IQCM: variants seen among roughly 807,000 people sequenced by gnomAD.
IQCM encodes the protein IQ motif containing M.
IQCM carries 45 observed loss-of-function variants against 57.6 expected under a neutral mutation model. The ratio of observed to expected loss-of-function variants is 0.78; its 90% CI spans 0.62 to 1.00. The LOEUF (loss-of-function observed/expected upper bound fraction) is 1.00, where lower values mean the gene tolerates loss of function less well. Among genes scored for constraint, IQCM ranks in the 50% least tolerant of loss-of-function variants. IQCM has a pLI of 0.00. For missense variants in IQCM, 468 were observed against 511.6 expected (o/e 0.91, Z 0.82); for synonymous variants, 148 against 158.9 (o/e 0.93, Z 0.51).
intron 7 of IQCM, among the ~76,000 whole-genome samples, chr4:149,681,274 C>T (rs1459932151): frequency 2.0e-5 from 3 of 151,072 alleles, no homozygotes; most frequent in Non-Finnish European, 3.0e-5. Flanking sequence ...ATTGTATTGC[C>T]CTGGGACCTC....
chr4:149,532,944 G>A (rs748740647), intron 12 of IQCM, among the ~76,000 whole-genome samples: 5 of 152,152 alleles, frequency 3.3e-5, no homozygotes, highest in Non-Finnish European at 7.4e-5. Context: ...GAGGGCAGAG[G>A]TCAGTGGGAA....
At chr4:149,577,922 T>C (rs1390583988) in intron 9 of IQCM, among the ~76,000 whole-genome samples, 3 of 151,856 alleles carry the variant, frequency 2.0e-5, no homozygotes, top group Admixed American at 2.0e-4. Context: ...GTAATTCTCA[T>C]TGTAGAGATC....
At chr4:149,392,902 C>A (rs7673725) in intron 13 of IQCM, among the ~76,000 whole-genome samples, 1 of 151,848 alleles carries the variant, frequency 6.6e-6, no homozygotes, top group Middle Eastern at 3.4e-3. Flanking sequence ...TGGGAGTTGT[C>A]GCTCACACCT....
intron 12 of IQCM, among the ~76,000 whole-genome samples, chr4:149,482,524 C>T (rs117512220): frequency 6.6e-6 from 1 of 151,804 alleles, no homozygotes; most frequent in Non-Finnish European, 1.5e-5. Context: ...TTTTTAGAAT[C>T]AATTGAAATG....
intron 12 of IQCM, among the ~76,000 whole-genome samples, chr4:149,481,696 G>GTTTTTTTTTTTTT (rs1197852884): frequency 0.011 from 380 of 33,574 alleles, 13 homozygotes; most frequent in Middle Eastern, 0.056. Flanking sequence ...GATTCTTCCA[G>GTTTTTTTTTTTTT]TTTTGTTTTT....
intron 12 of IQCM, among the ~76,000 whole-genome samples, chr4:149,459,620 C>G (rs1001293112): frequency 1.3e-5 from 2 of 152,134 alleles, no homozygotes; most frequent in Non-Finnish European, 2.9e-5. Context: ...CTCTCCTCCC[C>G]CAGCCCCTGG....
At chr4:149,718,017 C>G (rs1048264608) in intron 5 of IQCM, among the ~76,000 whole-genome samples, 1 of 152,262 alleles carries the variant, frequency 6.6e-6, no homozygotes, top group Middle Eastern at 3.4e-3. Flanking sequence ...TGCCCTTTCT[C>G]TTAGTTCAGA....
intron 13 of IQCM, among the ~76,000 whole-genome samples, chr4:149,415,929 C>T (rs1187979907): frequency 6.6e-6 from 1 of 151,976 alleles, no homozygotes; most frequent in Non-Finnish European, 1.5e-5. Flanking sequence ...GGAGGGATAG[C>T]ATTAGGAGAG....
chr4:149,363,713 T>C (rs1414307162), intron 13 of IQCM, among the ~76,000 whole-genome samples: 1 of 152,162 alleles, frequency 6.6e-6, no homozygotes, highest in Non-Finnish European at 1.5e-5. Context: ...TGCTAAAACA[T>C]ATTGTATTTC....
rs1747720488 is a variant in IQCM at position 149,540,292 on chromosome 4, G to A, written c.1228+8163C>T. 3.3e-5 allele frequency among the ~76,000 whole-genome samples: 5 copies of A among 149,466 alleles called. 1 individual carries two copies. The South Asian group carries it at 1.1e-3, about 32-fold the overall frequency. On this transcript the variant is annotated intron_variant, in intron 12 of 13. Transcript: ENST00000636793. ...TGTCATAGAACTACAAGACACTAAAGTGATCTAGTATGTGGGATTGCAATG... is the reference window on the plus strand; with the variant it reads ...TGTCATAGAACTACAAGACACTAAAATGATCTAGTATGTGGGATTGCAATG...
intron 7 of IQCM, among the ~76,000 whole-genome samples, chr4:149,672,018 G>A (rs1761335416): frequency 6.6e-6 from 1 of 152,134 alleles, no homozygotes; most frequent in South Asian, 2.1e-4. Flanking sequence ...AGGGTCTAGA[G>A]TGGACCTCCA....
intron 12 of IQCM, among the ~76,000 whole-genome samples, chr4:149,522,319 G>T (rs1745736152): frequency 6.6e-6 from 1 of 152,104 alleles, no homozygotes; most frequent in South Asian, 2.1e-4. Context: ...AGGACCATAA[G>T]TATGCAAAGG....
intron 9 of IQCM, among the ~76,000 whole-genome samples, chr4:149,577,180 T>C (rs1751740570): frequency 6.6e-6 from 1 of 152,000 alleles, no homozygotes; most frequent in Admixed American, 6.6e-5. Context: ...ATTCTGTGGG[T>C]TGTCTGTTTA....
chr4:149,479,840 GAGCCCA>G (rs1740587091), intron 12 of IQCM, among the ~76,000 whole-genome samples: 1 of 152,164 alleles, frequency 6.6e-6, no homozygotes, highest in Non-Finnish European at 1.5e-5. Flanking sequence ...CATGCATAGG[GAGCCCA>G]AGACAGGGGC....
At chr4:149,374,615 T>C (rs1202754825) in intron 13 of IQCM, among the ~76,000 whole-genome samples, 3 of 152,160 alleles carry the variant, frequency 2.0e-5, no homozygotes, top group African/African-American at 7.2e-5. Flanking sequence ...AAATAGAATG[T>C]TCAAATTTTT....
chr4:149,548,027 A>C (rs1382536715), intron 12 of IQCM, among the ~76,000 whole-genome samples: 1 of 152,146 alleles, frequency 6.6e-6, no homozygotes, highest in African/African-American at 2.4e-5. Context: ...TATTATATTG[A>C]AATAGCTTAC....
At chr4:149,614,080 AC>A (rs1398886843) in intron 8 of IQCM, among the ~76,000 whole-genome samples, 1 of 152,072 alleles carries the variant, frequency 6.6e-6, no homozygotes, top group Middle Eastern at 3.2e-3. Flanking sequence ...AAAAAATATG[AC>A]CAGCAATTCT....
intron 2 of IQCM, among the ~76,000 whole-genome samples, chr4:149,786,781 G>C (rs557669134): frequency 6.6e-6 from 1 of 152,134 alleles, no homozygotes; most frequent in Admixed American, 6.5e-5. Flanking sequence ...GATTCCTCCA[G>C]GGTCTAGAAC....
rs779615602 is a variant in IQCM at position 149,378,359 on chromosome 4, C to T, written c.1391-26293G>A. 1.5e-4 allele frequency among the ~76,000 whole-genome samples: 23 copies of T among 151,950 alleles called. 1 individual carries two copies. The highest frequency in any genetic ancestry group is 2.9e-4 in the African/African-American group (12 of 41,376). ...GCTCAGAAAAAGATAGGAAAATGTG[C>T]GAAAGTTTGGAAATCCCTAGAGACT... On this transcript the variant is annotated intron_variant, in intron 13 of 13. Coordinates refer to ENST00000636793, the MANE Select transcript of IQCM (RefSeq NM_001363507.2).
Sources: gnomAD v4.1 joint callset for allele counts (sites outside exome capture counted in the v4.1 genomes callset) on GRCh38, gnomAD v4.1.1 for gene constraint, MANE v1.5 for transcripts, NCBI Gene and HGNC (gene_info 2026-07-23, HGNC 2026-07-21) for gene names.